NHSL1: variants seen among roughly 807,000 people sequenced by gnomAD.
The protein encoded by NHSL1 is NHS-like protein 1.
In NHSL1, 48 loss-of-function variants were observed where a neutral mutation model predicts 95.0. That is an observed-to-expected ratio of 0.51 (90% CI 0.40 to 0.64). The LOEUF (loss-of-function observed/expected upper bound fraction) is 0.64, where lower values mean the gene tolerates loss of function less well. NHSL1 is among the 30% of genes least tolerant of loss of function. NHSL1 has a pLI of 0.00. For synonymous variants in NHSL1, 783 were observed against 833.9 expected (o/e 0.94, Z 1.05); for missense variants, 1,971 against 2,077.7 (o/e 0.95, Z 1.00).
chr6:138,681,039 T>C (rs909875538), intron 1 of NHSL1, among the ~76,000 whole-genome samples: 1 of 152,166 alleles, frequency 6.6e-6, no homozygotes, highest in Non-Finnish European at 1.5e-5. Flanking sequence ...TAATTAATCT[T>C]TTTTCCCAAA....
intron 1 of NHSL1, among the ~76,000 whole-genome samples, chr6:138,673,031 G>GATAGATAGA (rs1562409221): frequency 2.0e-5 from 3 of 148,058 alleles, no homozygotes; most frequent in African/African-American, 7.8e-5. Context: ...AGATAGATAG[G>GATAGATAGA]TAGATAGATA....
intron 1 of NHSL1, among the ~76,000 whole-genome samples, chr6:138,653,943 T>C (rs547460270): frequency 2.6e-5 from 4 of 152,332 alleles, no homozygotes; most frequent in African/African-American, 7.2e-5. Flanking sequence ...AGTGATGCAG[T>C]AGCAACCACA....
At chr6:138,690,016 T>G (rs1785641239) in intron 1 of NHSL1, among the ~76,000 whole-genome samples, 1 of 152,204 alleles carries the variant, frequency 6.6e-6, no homozygotes, top group African/African-American at 2.4e-5. Context: ...AGGTTTGGGC[T>G]TCAGGCCCGG....
intron 4 of NHSL1, among the ~76,000 whole-genome samples, chr6:138,443,878 G>A (rs1227028056): frequency 6.6e-6 from 1 of 152,074 alleles, no homozygotes; most frequent in Non-Finnish European, 1.5e-5. Flanking sequence ...CTCCAGTTTT[G>A]CTTCCTAGAC....
Position 138,424,744 on chromosome 6 carries a change from G to A in NHSL1, c.4158C>T (p.Pro1386=), listed in dbSNP as rs779545811. 5.9e-5 allele frequency: 91 copies of A among 1,550,662 alleles called. No homozygotes were observed. The highest frequency in any genetic ancestry group is 7.6e-5 in the Non-Finnish European group (87 of 1,146,254). The change falls in exon 8 of 8, where the codon CCC becomes CCT. Residue 1386 remains proline, a synonymous_variant. Coordinates refer to ENST00000343505, the MANE Select transcript of NHSL1 (RefSeq NM_001144060.2). This position sits in a 1 kb window ranked among gnomAD's most constrained non-coding sequence, Gnocchi z 5.9. ...DHSRNHSPSP[P]VTPTGAAPSL... ...TTGGGGCAGCGCCGGTGGGTGTCAC[G>A]GGCGGGGAGGGAGAATGGTTTCGGG...
chr6:138,596,779 A>C (rs967554084), intron 1 of NHSL1, among the ~76,000 whole-genome samples: 2 of 152,012 alleles, frequency 1.3e-5, no homozygotes, highest in Non-Finnish European at 2.9e-5. Context: ...GTGGGGGGGA[A>C]GTTCTGAAAG....
intron 1 of NHSL1, among the ~76,000 whole-genome samples, chr6:138,671,823 G>A (rs1583474911): frequency 6.6e-6 from 1 of 152,202 alleles, no homozygotes; most frequent in East Asian, 1.9e-4. Context: ...AAGCAATCGT[G>A]TTTGATGATG....
chr6:138,587,121 T>C (rs956706841), intron 1 of NHSL1, among the ~76,000 whole-genome samples: 8 of 152,030 alleles, frequency 5.3e-5, no homozygotes, highest in African/African-American at 1.9e-4. Context: ...TACAGGCGCA[T>C]GCCACCATGC....
intron 7 of NHSL1, among the ~76,000 whole-genome samples, chr6:138,427,320 A>G (rs1341608367): frequency 6.6e-6 from 1 of 152,156 alleles, no homozygotes; most frequent in Non-Finnish European, 1.5e-5. Context: ...CACGCCTATA[A>G]TCCCAGCTAC....
chr6:138,529,797 TA>T (rs1297901022), intron 1 of NHSL1, among the ~76,000 whole-genome samples: 1 of 152,242 alleles, frequency 6.6e-6, no homozygotes, highest in African/African-American at 2.4e-5. Flanking sequence ...CTCCTGTGAT[TA>T]CATTAGGCCC....
chr6:138,446,429 ACAGG>A (rs1776869935), intron 4 of NHSL1, among the ~76,000 whole-genome samples: 1 of 152,232 alleles, frequency 6.6e-6, no homozygotes. Context: ...ACAAATGATT[ACAGG>A]CTGAGTATAA....
chr6:138,536,602 CTTTTTT>C (rs563509738), intron 1 of NHSL1, among the ~76,000 whole-genome samples: 2,215 of 79,856 alleles, frequency 0.028, 10 homozygotes, highest in Admixed American at 0.04. Context: ...CATATGTCAT[CTTTTTT>C]TTTTTTTTTT....
chr6:138,494,387 T>C (rs758935484), intron 2 of NHSL1, among the ~76,000 whole-genome samples: 4 of 152,244 alleles, frequency 2.6e-5, no homozygotes, highest in Non-Finnish European at 5.9e-5. Flanking sequence ...ATCCTGGTCC[T>C]ACTGCTAATT....
At chr6:138,498,590 T>G (rs1296168936) in intron 1 of NHSL1, among the ~76,000 whole-genome samples, 1 of 152,216 alleles carries the variant, frequency 6.6e-6, no homozygotes, top group Non-Finnish European at 1.5e-5. Flanking sequence ...GCCAAGTAGT[T>G]ATAAAAATTA....
At chr6:138,429,570 C>A in intron 7 of NHSL1, 141 bp downstream of exon 7, 4 of 714,744 alleles carry the variant, frequency 5.6e-6, no homozygotes, top group South Asian at 2.4e-5. Flanking sequence ...CTGTAGAAAC[C>A]CACTAAAAAA....
At chr6:138,457,741 C>T (rs1475388511) in intron 3 of NHSL1, among the ~76,000 whole-genome samples, 1 of 152,042 alleles carries the variant, frequency 6.6e-6, no homozygotes, top group Non-Finnish European at 1.5e-5. Context: ...GACTCCTACA[C>T]ACTCTATATT....
At chr6:138,684,983 T>C (rs1785566707) in intron 1 of NHSL1, among the ~76,000 whole-genome samples, 1 of 152,168 alleles carries the variant, frequency 6.6e-6, no homozygotes, top group Non-Finnish European at 1.5e-5. Context: ...TTTTTCTTTT[T>C]ACACCTTCAC....
chr6:138,483,979 A>G (rs1583278417), intron 2 of NHSL1, among the ~76,000 whole-genome samples: 1 of 152,302 alleles, frequency 6.6e-6, no homozygotes, highest in East Asian at 1.9e-4. Flanking sequence ...AAGGCATATG[A>G]CCTGACCTCC....
chr6:138,449,070 A>C (rs902141487), intron 3 of NHSL1, among the ~76,000 whole-genome samples: 16 of 152,016 alleles, frequency 1.1e-4, no homozygotes, highest in Non-Finnish European at 2.1e-4. Context: ...AAAAAAAAAA[A>C]AAAAATTCAA....
Sources: allele counts gnomAD v4.1 joint callset (sites outside exome capture counted in the v4.1 genomes callset), GRCh38; gene constraint gnomAD v4.1.1; non-coding constraint Gnocchi (gnomAD v3.1); transcripts MANE v1.5; gene names NCBI Gene and HGNC (gene_info 2026-07-23, HGNC 2026-07-21).